PLXNA4: variants seen among roughly 807,000 people sequenced by gnomAD.
PLXNA4 encodes plexin-A4.
Under a neutral mutation model 191.8 loss-of-function variants are expected in PLXNA4, and 44 were observed. That is an observed-to-expected ratio of 0.23 (90% CI 0.18 to 0.29). The LOEUF (loss-of-function observed/expected upper bound fraction) is 0.29, where lower values mean the gene tolerates loss of function less well. Among genes scored for constraint, PLXNA4 ranks in the 10% least tolerant of loss-of-function variants. PLXNA4 has a pLI of 1.00. For missense variants in PLXNA4, 1,800 were observed against 2,488.8 expected (o/e 0.72, Z 5.89); for synonymous variants, 1,082 against 1,009.5 (o/e 1.07, Z -1.36).
chr7:132,516,109 C>T (rs156974), intron 1 of PLXNA4, among the ~76,000 whole-genome samples: 60,136 of 152,022 alleles, frequency 0.4, 12,517 homozygotes, highest in African/African-American at 0.53. Context: ...AATCTTGGTG[C>T]TTCAAGTAAA....
At chr7:132,458,804 T>G (rs554941427) in intron 3 of PLXNA4, among the ~76,000 whole-genome samples, 1 of 151,958 alleles carries the variant, frequency 6.6e-6, no homozygotes, top group Non-Finnish European at 1.5e-5. Flanking sequence ...AATATGACAG[T>G]GCAATAAAAA....
intron 3 of PLXNA4, among the ~76,000 whole-genome samples, chr7:132,380,714 T>A (rs775396771): frequency 6.6e-6 from 1 of 152,162 alleles, no homozygotes; most frequent in Non-Finnish European, 1.5e-5. Context: ...TCAAAACAGA[T>A]GATGCTTTAG....
intron 5 of PLXNA4, among the ~76,000 whole-genome samples, chr7:132,237,666 A>G (rs1352480834): frequency 1.3e-5 from 2 of 152,168 alleles, no homozygotes; most frequent in Non-Finnish European, 2.9e-5. Context: ...GAATGACAGC[A>G]CCTTGCCCTG....
At chr7:132,597,791 C>T (rs940457225) in intron 2 of PLXNA4, among the ~76,000 whole-genome samples, 28 of 151,600 alleles carry the variant, frequency 1.8e-4, no homozygotes, top group Non-Finnish European at 2.6e-4. Flanking sequence ...TCATTCTGTT[C>T]CTTACTCTTT....
At chr7:132,322,482 C>T (rs1802211182) in intron 3 of PLXNA4, among the ~76,000 whole-genome samples, 1 of 152,184 alleles carries the variant, frequency 6.6e-6, no homozygotes. Flanking sequence ...CGTGCCTGGC[C>T]AGAAGGGTTG....
At position 132,180,577 on chromosome 7, in the gene PLXNA4, C is replaced by T. The variant is rs781470638; in HGVS notation, c.3639+9G>A. 1.1e-5 allele frequency: 17 copies of T among 1,613,982 alleles called. No homozygotes were observed. The highest frequency in any genetic ancestry group is 1.4e-5 in the Non-Finnish European group (17 of 1,179,984). On this transcript the variant is annotated intron_variant, in intron 19 of 31. Transcript: ENST00000321063. ...CGCTCCATCCAGGATGGGGTTCTGC[C>T]AGCCTCACCATCACTTTGTGCCTGC... is the stretch of plus-strand genomic sequence containing the variant.
Position 132,616,554 on chromosome 7 carries a change from C to A in PLXNA4, c.-87+29374G>T, listed in dbSNP as rs117179616. On this transcript the variant is annotated intron_variant, in intron 2 of 4. Transcript: ENST00000378539. ...CCATAAAACTTTTTGAGCATCCACC[C>A]CCAGTATATACATATTTATTTATAA... 4.1e-3 allele frequency among the ~76,000 whole-genome samples: 623 copies of A among 152,236 alleles called. 4 individuals carry two copies. Among genetic ancestry groups the A allele is most frequent in the Middle Eastern group, 0.024 (7 of 292 alleles).
intron 4 of PLXNA4, among the ~76,000 whole-genome samples, chr7:132,268,612 A>AAG (rs1296320621): frequency 6.6e-6 from 1 of 152,176 alleles, no homozygotes; most frequent in African/African-American, 2.4e-5. Context: ...ACAGGCTGCT[A>AAG]AGAGAGAGAG....
At chr7:132,347,774 C>T (rs1386567795) in intron 3 of PLXNA4, among the ~76,000 whole-genome samples, 1 of 152,186 alleles carries the variant, frequency 6.6e-6, no homozygotes, top group Non-Finnish European at 1.5e-5. Flanking sequence ...CCTATGCTTT[C>T]TAACTCAGTC....
At chr7:132,591,443 C>T (rs1585390750) in intron 2 of PLXNA4, among the ~76,000 whole-genome samples, 1 of 152,162 alleles carries the variant, frequency 6.6e-6, no homozygotes, top group Non-Finnish European at 1.5e-5. Context: ...TGTCTGCCCA[C>T]GACTCCACAA....
Position 132,198,551 on chromosome 7 carries a change from G to A in PLXNA4, c.2672C>T (p.Ala891Val), listed in dbSNP as rs1433241204. The A allele has an allele frequency of 1.2e-6, 2 of 1,614,258 alleles. No homozygotes were observed. Among genetic ancestry groups the A allele is most frequent in the Non-Finnish European group, 1.7e-6 (2 of 1,180,048 alleles). Reference sequence around the variant, plus strand: ...CACGCCAGCAACCTTGACATGGGAGGCGATGTCGCGAAATTCCAGGCCCAG... The same window carrying A: ...CACGCCAGCAACCTTGACATGGGAGACGATGTCGCGAAATTCCAGGCCCAG... The part of the protein sequence containing the change: ...ENLGLEFRDI[A>V]SHVKVAGVEC... Residue 891 changes from alanine (A) to valine (V), a missense_variant, in exon 13 of 32, where the codon GCC (alanine) becomes GTC (valine). Physicochemically the swap from Ala to Val is moderately conservative, Grantham distance 64. Coordinates refer to ENST00000321063, the MANE Select transcript of PLXNA4 (RefSeq NM_020911.2).
chr7:132,343,199 T>C (rs771687183), intron 3 of PLXNA4, among the ~76,000 whole-genome samples: 33 of 152,158 alleles, frequency 2.2e-4, no homozygotes, highest in Admixed American at 2.0e-3. Flanking sequence ...GATCCTTCCA[T>C]GGAAAATCTT....
chr7:132,585,765 A>C (rs1466514086), intron 2 of PLXNA4, among the ~76,000 whole-genome samples: 2 of 152,034 alleles, frequency 1.3e-5, no homozygotes, highest in Non-Finnish European at 2.9e-5. Context: ...AATCAGACAG[A>C]GATCTCAAGT....
chr7:132,450,326 C>T (rs1257059306), intron 3 of PLXNA4, among the ~76,000 whole-genome samples: 2 of 152,176 alleles, frequency 1.3e-5, no homozygotes, highest in Non-Finnish European at 2.9e-5. Context: ...AAACCTCATA[C>T]ATGAAGTTTC....
At chr7:132,256,473 G>A (rs1246460779) in intron 4 of PLXNA4, among the ~76,000 whole-genome samples, 1 of 152,168 alleles carries the variant, frequency 6.6e-6, no homozygotes, top group African/African-American at 2.4e-5. Context: ...GCCACCGTTT[G>A]CTGAGTTGTG....
intron 3 of PLXNA4, among the ~76,000 whole-genome samples, chr7:132,422,682 CT>C (rs896307196): frequency 6.6e-6 from 1 of 152,180 alleles, no homozygotes; most frequent in African/African-American, 2.4e-5. Context: ...AGTTTATTGT[CT>C]ATTAGGTTTG....
intron 3 of PLXNA4, among the ~76,000 whole-genome samples, chr7:132,405,319 G>C (rs1341687055): frequency 4.6e-5 from 7 of 152,100 alleles, no homozygotes; most frequent in Admixed American, 4.6e-4. Context: ...GGCAGGACTA[G>C]GCTGTGCCTA....
intron 1 of PLXNA4, among the ~76,000 whole-genome samples, chr7:132,545,783 G>C (rs1038758103): frequency 6.6e-6 from 1 of 152,228 alleles, no homozygotes; most frequent in Non-Finnish European, 1.5e-5. Flanking sequence ...AGAAAAACCA[G>C]TGTTGCTGTA....
intron 5 of PLXNA4, among the ~76,000 whole-genome samples, chr7:132,238,005 G>A (rs774702385): frequency 3.3e-5 from 5 of 152,082 alleles, no homozygotes; most frequent in Non-Finnish European, 7.4e-5. Flanking sequence ...CCTATTTCAT[G>A]CCACATTTTT....
Sources: gnomAD v4.1 joint callset for allele counts (sites outside exome capture counted in the v4.1 genomes callset) on GRCh38, gnomAD v4.1.1 for gene constraint, MANE v1.5 for transcripts, NCBI Gene and HGNC (gene_info 2026-07-23, HGNC 2026-07-21) for gene names.